PTPRD: variants seen among roughly 807,000 people sequenced by gnomAD.
PTPRD encodes receptor-type tyrosine-protein phosphatase delta.
Under a neutral mutation model 214.5 loss-of-function variants are expected in PTPRD, and 34 were observed. The observed-to-expected ratio is 0.16, with a 90% CI of 0.12 to 0.21. The LOEUF (loss-of-function observed/expected upper bound fraction) is 0.21, where lower values mean the gene tolerates loss of function less well. PTPRD is among the 10% of genes least tolerant of loss of function. The probability of loss-of-function intolerance (pLI) is 1.00; values close to 1 mark genes in which losing one functional copy is unlikely to be tolerated. For missense variants in PTPRD, 2,545 were observed against 2,398.7 expected (o/e 1.06, Z -1.27); for synonymous variants, 1,128 against 845.7 (o/e 1.33, Z -5.79).
At chr9:9,269,100 C>A (rs1594872898) in intron 9 of PTPRD, among the ~76,000 whole-genome samples, 2 of 151,206 alleles carry the variant, frequency 1.3e-5, no homozygotes, top group South Asian at 4.1e-4. Context: ...AAAATATCTG[C>A]AAACCACATA....
rs542085891 is a variant in PTPRD at position 10,563,161 on chromosome 9, A to G, written c.-600+49237T>C. Among the ~76,000 whole-genome samples, 5 of 152,286 alleles carry G rather than the reference A, an allele frequency of 3.3e-5. No individual in the cohort carries two copies. The East Asian group carries it at 9.6e-4, about 29-fold the overall frequency. On this transcript the variant is annotated intron_variant, in intron 2 of 45. Coordinates refer to ENST00000381196, the MANE Select transcript of PTPRD (RefSeq NM_002839.4). ...AGAAACATGCTAGGACAAATACAGC[A>G]TTCCTGACTGTCAGCAGTGGTTTTC...
chr9:9,770,399 T>A (rs190203446), intron 5 of PTPRD, among the ~76,000 whole-genome samples: 48 of 152,318 alleles, frequency 3.2e-4, no homozygotes, highest in Non-Finnish European at 1.2e-4. Context: ...TTACTTTTTT[T>A]AAAATTTACA....
intron 11 of PTPRD, among the ~76,000 whole-genome samples, chr9:9,018,058 G>C (rs1252672246): frequency 6.6e-6 from 1 of 151,930 alleles, no homozygotes; most frequent in African/African-American, 2.4e-5. Flanking sequence ...TTGAAGATCT[G>C]TCGTCTTTCT....
At chr9:9,075,037 A>G (rs935112006) in intron 10 of PTPRD, among the ~76,000 whole-genome samples, 10 of 152,106 alleles carry the variant, frequency 6.6e-5, no homozygotes, top group African/African-American at 1.4e-4. Flanking sequence ...TTGTACAAAA[A>G]GAGAAGAAAA....
intron 12 of PTPRD, among the ~76,000 whole-genome samples, chr9:8,708,051 C>T (rs1053453907): frequency 6.6e-6 from 1 of 152,178 alleles, no homozygotes; most frequent in African/African-American, 2.4e-5. Context: ...AGAAAACTGA[C>T]TCACTTTCCA....
At chr9:9,248,295 T>C (rs1569565655) in intron 9 of PTPRD, among the ~76,000 whole-genome samples, 1 of 152,024 alleles carries the variant, frequency 6.6e-6, no homozygotes, top group East Asian at 2.0e-4. Context: ...GGTTTCACCA[T>C]GTGGGCCAGG....
chr9:8,832,048 G>A lies in PTPRD; in HGVS notation c.-103-98102C>T, dbSNP rs542319344. ...GAAAAGTGTTTGCAACCTTCTGAGA[G>A]CTATAATGTGCACTGAATGCAAACA... On this transcript the variant is annotated intron_variant, in intron 11 of 45. Transcript: ENST00000381196. Among the ~76,000 whole-genome samples, 10 of 152,064 alleles carry A rather than the reference G, an allele frequency of 6.6e-5. No individual in the cohort carries two copies. In the South Asian group the frequency reaches 1.9e-3, roughly 28 times the overall value.
chr9:8,631,146 T>C (rs1461719287), intron 14 of PTPRD, among the ~76,000 whole-genome samples: 2 of 151,828 alleles, frequency 1.3e-5, no homozygotes, highest in Admixed American at 1.3e-4. Flanking sequence ...TGTATGTATA[T>C]TCAGAAATAT....
chr9:8,917,218 T>C (rs1020985294), intron 11 of PTPRD, among the ~76,000 whole-genome samples: 19 of 151,376 alleles, frequency 1.3e-4, no homozygotes, highest in African/African-American at 3.4e-4. Flanking sequence ...AACCTCTGCT[T>C]CCTAGGTTCA....
intron 2 of PTPRD, among the ~76,000 whole-genome samples, chr9:10,422,352 A>T (rs935096345): frequency 1.3e-5 from 2 of 152,070 alleles, no homozygotes; most frequent in Non-Finnish European, 2.9e-5. Flanking sequence ...AAACCATAAA[A>T]ACCATACAGG....
At chr9:9,470,843 A>T (rs2094537143) in intron 8 of PTPRD, among the ~76,000 whole-genome samples, 1 of 152,214 alleles carries the variant, frequency 6.6e-6, no homozygotes, top group Admixed American at 6.5e-5. Context: ...TATTAAGTTC[A>T]TATGGGGAGG....
At chr9:9,917,302 G>A (rs1457296981) in intron 5 of PTPRD, among the ~76,000 whole-genome samples, 62 of 21,204 alleles carry the variant, frequency 2.9e-3, no homozygotes, top group East Asian at 0.01. Flanking sequence ...TAGCTAGACT[G>A]AAAAAAAAAA....
At chr9:9,051,713 C>G (rs1169347098) in intron 10 of PTPRD, among the ~76,000 whole-genome samples, 1 of 152,108 alleles carries the variant, frequency 6.6e-6, no homozygotes, top group Non-Finnish European at 1.5e-5. Context: ...CTTCTGTAGA[C>G]CATGTTCACA....
chr9:10,023,084 T>A (rs2096854873), intron 4 of PTPRD, among the ~76,000 whole-genome samples: 1 of 152,214 alleles, frequency 6.6e-6, no homozygotes, highest in Admixed American at 6.5e-5. Flanking sequence ...CTACAAATTC[T>A]CAAATGAAAG....
intron 23 of PTPRD, among the ~76,000 whole-genome samples, chr9:8,501,449 T>C (rs886345707): frequency 2.6e-5 from 4 of 152,152 alleles, no homozygotes; most frequent in Non-Finnish European, 1.5e-5. Flanking sequence ...TAGTATTTAC[T>C]TGAGGGTCTG....
chr9:8,888,157 G>A (rs1036176196), intron 11 of PTPRD, among the ~76,000 whole-genome samples: 1 of 152,122 alleles, frequency 6.6e-6, no homozygotes, highest in African/African-American at 2.4e-5. Context: ...TACACAAAAT[G>A]ACAAGCATAC....
At chr9:8,965,509 G>A (rs571094914) in intron 11 of PTPRD, among the ~76,000 whole-genome samples, 19 of 152,136 alleles carry the variant, frequency 1.2e-4, no homozygotes, top group Admixed American at 9.2e-4. Flanking sequence ...ATGAATCTGG[G>A]AGCTCCAATG....
chr9:8,754,597 T>A (rs181281291), intron 11 of PTPRD, among the ~76,000 whole-genome samples: 1 of 152,178 alleles, frequency 6.6e-6, no homozygotes, highest in Non-Finnish European at 1.5e-5. Flanking sequence ...ATATACAAAA[T>A]AACATATTAG....
intron 14 of PTPRD, among the ~76,000 whole-genome samples, chr9:8,625,708 T>C (rs1317370992): frequency 6.6e-6 from 1 of 151,706 alleles, no homozygotes; most frequent in African/African-American, 2.4e-5. Flanking sequence ...AACATTTATG[T>C]AATGCATGGA....
Sources: allele counts gnomAD v4.1 joint callset (sites outside exome capture counted in the v4.1 genomes callset), GRCh38; gene constraint gnomAD v4.1.1; transcripts MANE v1.5; gene names NCBI Gene and HGNC (gene_info 2026-07-23, HGNC 2026-07-21).